The following ADGRL3 variants were observed in gnomAD, a reference collection of about 807,000 sequenced individuals.
The protein encoded by ADGRL3 is adhesion G protein-coupled receptor L3, also known as calcium-independent alpha-latrotoxin receptor 3.
In ADGRL3, 62 loss-of-function variants were observed where a neutral mutation model predicts 153.5. The ratio of observed to expected loss-of-function variants is 0.40; its 90% CI spans 0.33 to 0.50. The LOEUF (loss-of-function observed/expected upper bound fraction) is 0.50, where lower values mean the gene tolerates loss of function less well. Ranked by LOEUF, ADGRL3 falls within the 20% of genes least tolerant of loss-of-function variation. The pLI is 0.47. For missense variants in ADGRL3, 1,641 were observed against 1,859.4 expected (o/e 0.88, Z 2.16); for synonymous variants, 710 against 672.5 (o/e 1.06, Z -0.86).
chr4:61,577,380 C>T (rs1434034696), intron 4 of ADGRL3, among the ~76,000 whole-genome samples: 2 of 151,982 alleles, frequency 1.3e-5, no homozygotes, highest in African/African-American at 4.8e-5. Context: ...TCATTCAAAA[C>T]TTGTTTTATT....
In ADGRL3 at chr4:61,386,532, T is replaced by C. The variant is rs114180558; in HGVS notation, c.-174+3343T>C. On this transcript the variant is annotated intron_variant, in intron 2 of 26. Coordinates refer to ENST00000683033, the MANE Select transcript of ADGRL3 (RefSeq NM_001387552.1). ...TGTTCAGCAGGGTTTATACTCATGGTCAATCTAGCAATTTACAAATTTTTA... is the reference window on the plus strand; with the variant it reads ...TGTTCAGCAGGGTTTATACTCATGGCCAATCTAGCAATTTACAAATTTTTA... 5.1e-3 allele frequency among the ~76,000 whole-genome samples: 783 copies of C among 152,298 alleles called. 12 individuals are homozygous for C. Among genetic ancestry groups the C allele is most frequent in the African/African-American group, 0.018 (737 of 41,580 alleles).
chr4:61,485,365 A>C (rs2098179039), intron 2 of ADGRL3, among the ~76,000 whole-genome samples: 1 of 152,186 alleles, frequency 6.6e-6, no homozygotes, highest in African/African-American at 2.4e-5. Context: ...TTATGTAAAG[A>C]ATTTTTTAAA....
At chr4:62,013,239 T>G (rs2151279407) in intron 21 of ADGRL3, among the ~76,000 whole-genome samples, 1 of 152,016 alleles carries the variant, frequency 6.6e-6, no homozygotes. Flanking sequence ...CATTAGAAAT[T>G]TGTTGTTATA....
At chr4:61,522,370 A>T (rs891622905) in intron 4 of ADGRL3, among the ~76,000 whole-genome samples, 1 of 152,196 alleles carries the variant, frequency 6.6e-6, no homozygotes, top group African/African-American at 2.4e-5. Flanking sequence ...ATTAAATAGC[A>T]TAACCCTTGA....
intron 1 of ADGRL3, among the ~76,000 whole-genome samples, chr4:61,218,998 G>T (rs2148982724): frequency 6.6e-6 from 1 of 152,162 alleles, no homozygotes; most frequent in East Asian, 1.9e-4. Context: ...GACATAATTG[G>T]AGGAGGCATC....
At chr4:61,339,678 C>A (rs1272854454) in intron 1 of ADGRL3, among the ~76,000 whole-genome samples, 1 of 152,098 alleles carries the variant, frequency 6.6e-6, no homozygotes, top group Non-Finnish European at 1.5e-5. Flanking sequence ...TAAAAAAATT[C>A]TTTTGAATTT....
intron 9 of ADGRL3, among the ~76,000 whole-genome samples, chr4:61,851,862 T>C (rs1437980033): frequency 6.6e-6 from 1 of 152,192 alleles, no homozygotes; most frequent in Non-Finnish European, 1.5e-5. Flanking sequence ...AAATCTTGAA[T>C]AGCACTGTCA....
At chr4:61,645,724 T>C (rs1027116158) in intron 5 of ADGRL3, among the ~76,000 whole-genome samples, 19 of 151,926 alleles carry the variant, frequency 1.3e-4, no homozygotes, top group Admixed American at 4.6e-4. Context: ...TAACATTTTT[T>C]CCTTCATTTC....
chr4:62,034,163 G>A (rs1327136550), intron 23 of ADGRL3, among the ~76,000 whole-genome samples: 1 of 151,676 alleles, frequency 6.6e-6, no homozygotes, highest in Non-Finnish European at 1.5e-5. Flanking sequence ...CATTAAAACA[G>A]AGTTCCGGAA....
chr4:61,497,763 A>G (rs1203848221), intron 3 of ADGRL3, among the ~76,000 whole-genome samples: 6 of 150,324 alleles, frequency 4.0e-5, no homozygotes, highest in Middle Eastern at 3.4e-3. Flanking sequence ...TGACCTCGTG[A>G]CCCGCCCTCC....
intron 22 of ADGRL3, among the ~76,000 whole-genome samples, chr4:62,030,989 A>C (rs1721702494): frequency 6.6e-6 from 1 of 151,566 alleles, no homozygotes; most frequent in Non-Finnish European, 1.5e-5. Context: ...TAAACAATAA[A>C]ATTTTTGTGG....
intron 8 of ADGRL3, among the ~76,000 whole-genome samples, chr4:61,762,365 TA>T (rs2096923390): frequency 6.6e-6 from 1 of 152,166 alleles, no homozygotes; most frequent in Admixed American, 6.5e-5. Flanking sequence ...CAAATAAATC[TA>T]ATGAGTTTAA....
At chr4:61,231,349 A>G (rs556248495) in intron 1 of ADGRL3, among the ~76,000 whole-genome samples, 3 of 152,152 alleles carry the variant, frequency 2.0e-5, no homozygotes, top group African/African-American at 4.8e-5. Context: ...AAGACATGCT[A>G]TGTCTCCAGG....
intron 4 of ADGRL3, among the ~76,000 whole-genome samples, chr4:61,571,495 AG>A (rs2098838733): frequency 6.6e-6 from 1 of 152,048 alleles, no homozygotes; most frequent in Non-Finnish European, 1.5e-5. Flanking sequence ...CCTGGGTGAC[AG>A]AGACCCTGTC....
At chr4:61,959,301 T>G (rs1292277605) in intron 17 of ADGRL3, among the ~76,000 whole-genome samples, 2 of 152,160 alleles carry the variant, frequency 1.3e-5, no homozygotes, top group Non-Finnish European at 2.9e-5. Context: ...GTCTTATAAT[T>G]TATACTACTA....
intron 21 of ADGRL3, among the ~76,000 whole-genome samples, chr4:62,006,019 T>C (rs1560495135): frequency 2.9e-5 from 3 of 103,176 alleles, no homozygotes; most frequent in East Asian, 2.7e-4. Flanking sequence ...TATATATATA[T>C]ATATATATAT....
In ADGRL3 at chr4:61,733,559, G is replaced by GT; in HGVS notation, c.1399+7dup. 1 of 1,595,352 alleles carries GT rather than the reference G, an allele frequency of 6.3e-7. No individual in the cohort carries two copies. Among genetic ancestry groups the GT allele is most frequent in the South Asian group, 1.1e-5 (1 of 89,984 alleles). On this transcript the variant is annotated splice_donor_region_variant and intron_variant, in intron 8 of 26. Coordinates refer to ENST00000683033, the MANE Select transcript of ADGRL3 (RefSeq NM_001387552.1). ...GACCTCTGGATAGTAGATCAGGTAA[G>GT]TTCAACCTTTTGTGGTACTCTTTGG...
chr4:61,358,572 G>C (rs1051071162), intron 1 of ADGRL3, among the ~76,000 whole-genome samples: 3 of 138,760 alleles, frequency 2.2e-5, no homozygotes, highest in Admixed American at 1.6e-4. Flanking sequence ...ACTCCAGCCT[G>C]GGCGACAGAG....
At chr4:61,434,822 A>C (rs1341851537) in intron 2 of ADGRL3, among the ~76,000 whole-genome samples, 1 of 152,100 alleles carries the variant, frequency 6.6e-6, no homozygotes, top group African/African-American at 2.4e-5. Context: ...GTTTTAACTG[A>C]TATAATTTGT....
Sources: allele counts gnomAD v4.1 joint callset (sites outside exome capture counted in the v4.1 genomes callset), GRCh38; gene constraint gnomAD v4.1.1; transcripts MANE v1.5; gene names NCBI Gene and HGNC (gene_info 2026-07-23, HGNC 2026-07-21).